Variants in KLHL29 observed in about 807,000 individuals in gnomAD.
KLHL29 encodes the protein kelch like family member 29.
In KLHL29, 21 loss-of-function variants were observed where a neutral mutation model predicts 80.4. The observed-to-expected ratio is 0.26, with a 90% CI of 0.19 to 0.38. The LOEUF (loss-of-function observed/expected upper bound fraction) is 0.38, where lower values mean the gene tolerates loss of function less well. Ranked by LOEUF, KLHL29 falls within the 10% of genes least tolerant of loss-of-function variation. KLHL29 has a pLI of 1.00. For synonymous variants in KLHL29, 511 were observed against 526.8 expected (o/e 0.97, Z 0.41); for missense variants, 867 against 1,223.9 (o/e 0.71, Z 4.35).
At chr2:23,536,016 A>G (rs957139309) in intron 2 of KLHL29, among the ~76,000 whole-genome samples, 1 of 152,200 alleles carries the variant, frequency 6.6e-6, no homozygotes, top group African/African-American at 2.4e-5. Flanking sequence ...TTTAAATGTT[A>G]TCATTCAGGG....
chr2:23,665,038 G>A (rs1053134859), intron 5 of KLHL29, among the ~76,000 whole-genome samples: 3 of 152,258 alleles, frequency 2.0e-5, no homozygotes, highest in African/African-American at 4.8e-5. Context: ...CCTCTCTCAC[G>A]TGCCTGGGTG....
At chr2:23,686,265 C>T (rs532734503) in intron 6 of KLHL29, among the ~76,000 whole-genome samples, 17 of 151,688 alleles carry the variant, frequency 1.1e-4, no homozygotes, top group Admixed American at 1.3e-4. Flanking sequence ...GGGGAGGGGA[C>T]GCCCACCTGA....
In KLHL29 at chr2:23,442,716, C is replaced by T. The variant is rs56372022; in HGVS notation, c.-153-32844C>T. Among the ~76,000 whole-genome samples, 7 of 151,858 alleles carry T rather than the reference C, an allele frequency of 4.6e-5. No individual in the cohort carries two copies. In the East Asian group the frequency reaches 7.7e-4, roughly 17 times the overall value. ...AGTTTGTGGTAATTTGTTACAGCAG[C>T]GAGAGGAAACAAATGCACATGTACA... On this transcript the variant is annotated intron_variant, in intron 1 of 13. Transcript: ENST00000486442.
In KLHL29 at chr2:23,387,545, T is replaced by TATG. The variant is rs1553317105; in HGVS notation, c.-154+1766_-154+1768dup. ...TTATTATTATTATTATTATTATTAT[T>TATG]ATGGAAAGAAGGTATAGAGCTTTTT... On this transcript the variant is annotated intron_variant, in intron 1 of 13. Transcript: ENST00000486442. 8.0e-4 allele frequency among the ~76,000 whole-genome samples: 112 copies of TATG among 139,584 alleles called. No homozygotes were observed. In the East Asian group the frequency reaches 0.022, roughly 28 times the overall value. 91.6% of individuals were successfully genotyped at this position (139,584 alleles called of 152,430 possible).
At chr2:23,568,203 A>G (rs982474029) in intron 3 of KLHL29, among the ~76,000 whole-genome samples, 1 of 152,242 alleles carries the variant, frequency 6.6e-6, no homozygotes, top group African/African-American at 2.4e-5. Context: ...GGGCAAAAAA[A>G]AAGTCCATAC....
intron 2 of KLHL29, among the ~76,000 whole-genome samples, chr2:23,525,673 G>T (rs1321237753): frequency 6.6e-6 from 1 of 151,188 alleles, no homozygotes; most frequent in Non-Finnish European, 1.5e-5. Flanking sequence ...GTAAGGCATG[G>T]AACCTGCTGG....
intron 1 of KLHL29, among the ~76,000 whole-genome samples, chr2:23,455,531 G>A (rs1572331678): frequency 6.6e-6 from 1 of 151,288 alleles, no homozygotes; most frequent in South Asian, 2.1e-4. Context: ...GCTCTAAGAA[G>A]TTTCCCTGAG....
chr2:23,486,263 A>AC (rs1335574418), intron 2 of KLHL29, among the ~76,000 whole-genome samples: 1 of 151,882 alleles, frequency 6.6e-6, no homozygotes, highest in Non-Finnish European at 1.5e-5. Flanking sequence ...TTAGCCCCTC[A>AC]CCCCATGAAA....
intron 2 of KLHL29, among the ~76,000 whole-genome samples, chr2:23,541,784 A>G (rs933645550): frequency 1.3e-5 from 2 of 152,046 alleles, no homozygotes; most frequent in East Asian, 3.9e-4. Flanking sequence ...AAAAAAAAAA[A>G]ACCATAAAAC....
chr2:23,673,048 G>A (rs1231523090), intron 5 of KLHL29, among the ~76,000 whole-genome samples: 1 of 152,168 alleles, frequency 6.6e-6, no homozygotes, highest in Non-Finnish European at 1.5e-5. Context: ...CCTGCTAGGG[G>A]AAAAAGATGA....
rs1669978252 is a variant in KLHL29 at position 23,647,732 on chromosome 2, G to A, written c.940+4882G>A. On this transcript the variant is annotated intron_variant, in intron 5 of 13. Transcript: ENST00000486442. This position sits in a 1 kb window ranked among gnomAD's most constrained non-coding sequence, Gnocchi z 4.9. ...GGGGACAACGGCCAGCGCTGACTCGGTGCTTGCCACCACTTCATCCTTTGC... is the reference window on the plus strand; with the variant it reads ...GGGGACAACGGCCAGCGCTGACTCGATGCTTGCCACCACTTCATCCTTTGC... 6.6e-6 allele frequency among the ~76,000 whole-genome samples: 1 copy of A among 152,004 alleles called. No individual in the cohort carries two copies.
In KLHL29 at chr2:23,647,052, G is replaced by A. The variant is rs1669959110; in HGVS notation, c.940+4202G>A. The stretch of plus-strand genomic sequence containing the variant: ...AGAAGGCCAGGCCCTCCCCAGCGCA[G>A]AGGAGATGGAAGAAGCCCATGCTTG... On this transcript the variant is annotated intron_variant, in intron 5 of 13. Coordinates refer to ENST00000486442, the MANE Select transcript of KLHL29 (RefSeq NM_052920.2). This position sits in a 1 kb window ranked among gnomAD's most constrained non-coding sequence, Gnocchi z 4.9. Among the ~76,000 whole-genome samples, 1 of 152,242 alleles carries A rather than the reference G, an allele frequency of 6.6e-6. No individual in the cohort carries two copies. Among genetic ancestry groups the A allele is most frequent in the Non-Finnish European group, 1.5e-5 (1 of 68,038 alleles).
intron 2 of KLHL29, among the ~76,000 whole-genome samples, chr2:23,483,329 T>C (rs1460348210): frequency 6.6e-6 from 1 of 152,182 alleles, no homozygotes; most frequent in Non-Finnish European, 1.5e-5. Flanking sequence ...TGGGAACAGC[T>C]TGTGTAAAAG....
chr2:23,432,656 C>T (rs1045039315), intron 1 of KLHL29, among the ~76,000 whole-genome samples: 1 of 152,244 alleles, frequency 6.6e-6, no homozygotes, highest in African/African-American at 2.4e-5. Flanking sequence ...TGTGACAGAG[C>T]TCAGGGAAAC....
intron 5 of KLHL29, chr2:23,670,144 T>G (rs1392212888): frequency 6.6e-6 from 1 of 151,988 alleles, no homozygotes; most frequent in African/African-American, 2.4e-5. Context: ...CACAGGGCTC[T>G]GGGAATATCG....
intron 2 of KLHL29, among the ~76,000 whole-genome samples, chr2:23,490,069 A>G (rs1369464491): frequency 6.6e-6 from 1 of 152,224 alleles, no homozygotes; most frequent in Non-Finnish European, 1.5e-5. Flanking sequence ...ATGAGTGCGC[A>G]CTGGGGGAGC....
chr2:23,618,797 A>T (rs1268217194), intron 3 of KLHL29, among the ~76,000 whole-genome samples: 1 of 152,210 alleles, frequency 6.6e-6, no homozygotes, highest in African/African-American at 2.4e-5. Context: ...TTGAAATCTT[A>T]ACATCTTTCC....
intron 1 of KLHL29, among the ~76,000 whole-genome samples, chr2:23,469,324 A>G (rs1664434234): frequency 6.6e-6 from 1 of 152,158 alleles, no homozygotes; most frequent in Non-Finnish European, 1.5e-5. Flanking sequence ...ACCCGCACCC[A>G]CCGCAGTCCA....
chr2:23,465,693 T>TCC (rs1664331422), intron 1 of KLHL29, among the ~76,000 whole-genome samples: 1 of 152,098 alleles, frequency 6.6e-6, no homozygotes, highest in Non-Finnish European at 1.5e-5. Context: ...TGTTTCAGGA[T>TCC]CCCCTTTAGG....
Sources: gnomAD v4.1 joint callset for allele counts (sites outside exome capture counted in the v4.1 genomes callset) on GRCh38, gnomAD v4.1.1 for gene constraint, Gnocchi (gnomAD v3.1) non-coding constraint, MANE v1.5 for transcripts, NCBI Gene and HGNC (gene_info 2026-07-23, HGNC 2026-07-21) for gene names.